ACOT11: variants seen among roughly 807,000 people sequenced by gnomAD.
ACOT11 encodes the protein acyl-CoA thioesterase 11.
In ACOT11, 69 loss-of-function variants were observed where a neutral mutation model predicts 77.5. The observed-to-expected ratio is 0.89, with a 90% confidence interval of 0.73 to 1.09. The LOEUF (loss-of-function observed/expected upper bound fraction) is 1.09. Among genes scored for constraint, ACOT11 ranks in the 50% least tolerant of loss-of-function variants. ACOT11 has a pLI of 0.00. For synonymous variants in ACOT11, 279 were observed against 313.0 expected (o/e 0.89, Z 1.15); for missense variants, 766 against 813.7 (o/e 0.94, Z 0.71).
At chr1:54,587,069 A>T (rs1269414359) in intron 3 of ACOT11, among the ~76,000 whole-genome samples, 1 of 152,174 alleles carries the variant, frequency 6.6e-6, no homozygotes, top group Non-Finnish European at 1.5e-5. Context: ...CACACACTTA[A>T]TATTAGATGA....
At chr1:54,614,827 C>G (rs757193509), downstream of ACOT11, 18 of 1,614,150 alleles carry the variant, frequency 1.1e-5, no homozygotes, top group Non-Finnish European at 1.4e-5. Flanking sequence ...GAGGGGCCCA[C>G]TGCCTTGATG....
Position 54,609,687 on chromosome 1 carries a change from T to C in ACOT11, c.*575T>C. 1 of 1,613,866 alleles carries C rather than the reference T, an allele frequency of 6.2e-7. No homozygotes were observed. Among genetic ancestry groups the C allele is most frequent in the South Asian group, 1.1e-5 (1 of 91,078 alleles). ...GGGACCGAAAAACTCCCGTGGGAGA[T>C]TTTGGCCCCAACCCACACAGGCCAA... On this transcript the variant is annotated 3_prime_UTR_variant, in exon 16 of 16. Transcript: ENST00000343744.
chr1:54,625,019 G>T (rs539497117), intron 15 of ACOT11, among the ~76,000 whole-genome samples: 1 of 152,144 alleles, frequency 6.6e-6, no homozygotes, highest in East Asian at 1.9e-4. Flanking sequence ...GCTGGTCGGG[G>T]CATGTGTGGT....
chr1:54,616,097 A>G (rs1218770427), intron 15 of ACOT11: 4 of 1,614,064 alleles, frequency 2.5e-6, no homozygotes, highest in Non-Finnish European at 3.4e-6. Flanking sequence ...GGGGTGTGCC[A>G]TGATGGGAAC....
intron 1 of ACOT11, among the ~76,000 whole-genome samples, chr1:54,557,771 T>C (rs1416007086): frequency 1.3e-5 from 2 of 152,212 alleles, no homozygotes; most frequent in Non-Finnish European, 2.9e-5. Flanking sequence ...ACCAGTTTTT[T>C]AGTGGAGGCT....
intron 1 of ACOT11, among the ~76,000 whole-genome samples, chr1:54,563,184 G>T (rs756636736): frequency 6.6e-6 from 1 of 152,178 alleles, no homozygotes; most frequent in Non-Finnish European, 1.5e-5. Context: ...ATGGGGTTTC[G>T]CCATGTTGCC....
At chr1:54,592,070 C>CT (rs1273424975) in intron 3 of ACOT11, among the ~76,000 whole-genome samples, 5 of 152,178 alleles carry the variant, frequency 3.3e-5, no homozygotes, top group Admixed American at 1.3e-4. Flanking sequence ...TGTGCTAGGC[C>CT]TTGGAGAGTC....
chr1:54,584,969 A>G lies in ACOT11; in HGVS notation c.241+107A>G. 2 of 1,228,440 alleles carry G rather than the reference A, an allele frequency of 1.6e-6. No homozygotes were observed. Among genetic ancestry groups the G allele is most frequent in the South Asian group, 1.5e-5 (1 of 68,408 alleles). 76.1% of individuals were successfully genotyped at this position (1,228,440 alleles called of 1,614,324 possible). On this transcript the variant is annotated intron_variant, in intron 2 of 15. Coordinates refer to ENST00000343744, the MANE Select transcript of ACOT11 (RefSeq NM_147161.4). This position sits in a 1 kb window ranked among gnomAD's most constrained non-coding sequence, Gnocchi z 6.3. ...ACCCTAAGTGCCACACTTGTTTCTC[A>G]TCTTGGCCTTTGCTCATGCTGGTCC... is the stretch of plus-strand genomic sequence containing the variant.
At chr1:54,606,470 C>T (rs11206393) in intron 13 of ACOT11, among the ~76,000 whole-genome samples, 2,657 of 152,154 alleles carry the variant, frequency 0.017, 72 homozygotes, top group African/African-American at 0.06. Flanking sequence ...TGTGGGTGCA[C>T]GTGTTGGTAT....
rs1188389417 is a variant in ACOT11 at position 54,628,860 on chromosome 1, G to A, written c.1630-1874G>A. Among the ~76,000 whole-genome samples, 2 of 132,394 alleles carry A rather than the reference G, an allele frequency of 1.5e-5. 1 individual carries two copies. The highest frequency in any genetic ancestry group is 3.4e-5 in the Non-Finnish European group (2 of 58,688). The allele number at this position is 132,394 out of a possible 152,430, so 86.9% of individuals were successfully genotyped here. A position where few individuals can be genotyped will look rare whatever the true frequency, so the allele number is the denominator to read the frequency against. On this transcript the variant is annotated intron_variant, in intron 15 of 16. Transcript: ENST00000371316. ...GGATCACTCAAGATCAGGCATTCGAGAACAGCCTGGCCAACATGACGAAAT... is the reference window on the plus strand; with the variant it reads ...GGATCACTCAAGATCAGGCATTCGAAAACAGCCTGGCCAACATGACGAAAT...
intron 3 of ACOT11, among the ~76,000 whole-genome samples, chr1:54,587,590 G>C (rs1470905662): frequency 1.0e-5 from 1 of 96,802 alleles, no homozygotes; most frequent in Non-Finnish European, 1.8e-5. Flanking sequence ...ACAGAGTCTT[G>C]CTCTGTCACC....
At chr1:54,585,013 T>G in intron 2 of ACOT11, 151 bp downstream of exon 2, 2 of 864,896 alleles carry the variant, frequency 2.3e-6, no homozygotes, top group Non-Finnish European at 3.5e-6. Context: ...GAAATGCCCT[T>G]CCTGATGTCT....
intron 4 of ACOT11, among the ~76,000 whole-genome samples, chr1:54,593,458 G>GTTTT (rs35252763): frequency 3.1e-5 from 3 of 96,326 alleles, no homozygotes; most frequent in African/African-American, 4.5e-5. Flanking sequence ...TGTGTGTGTG[G>GTTTT]TTTTTTTTTT....
rs1156838484 is a variant in ACOT11, at chr1:54,609,039, C to G, written c.1712C>G (p.Thr571Ser). 6.2e-7 allele frequency: 1 copy of G among 1,614,064 alleles called. No homozygotes were observed. Among genetic ancestry groups the G allele is most frequent in the Non-Finnish European group, 8.5e-7 (1 of 1,180,028 alleles). The change falls in exon 16 of 16, where the codon ACC (threonine) becomes AGC (serine). Residue 571 changes from threonine (T) to serine (S), a missense_variant. By Grantham distance (58) the Thr-to-Ser change is moderately conservative. Coordinates refer to ENST00000343744, the MANE Select transcript of ACOT11 (RefSeq NM_147161.4). ...GCCGGCCTCTCCTCTGAGTTCTACACCACCTTCAAGGCTTGTGAGCAGTTT... is the reference window on the plus strand; with the variant it reads ...GCCGGCCTCTCCTCTGAGTTCTACAGCACCTTCAAGGCTTGTGAGCAGTTT... ...NVAGLSSEFY[T>S]TFKACEQFLL...
chr1:54,567,902 C>A (rs1293071748), intron 1 of ACOT11, among the ~76,000 whole-genome samples: 2 of 152,202 alleles, frequency 1.3e-5, no homozygotes, highest in Non-Finnish European at 2.9e-5. Context: ...GCAGAGTGAT[C>A]TTACAACGCA....
chr1:54,637,650 G>A (rs371386616), exon 17 of ACOT11: 12 of 152,300 alleles, frequency 7.9e-5, no homozygotes, highest in African/African-American at 2.2e-4. Flanking sequence ...AGCCAGGTGT[G>A]GTGGTGGGTG....
At chr1:54,594,259 G>T (rs927479820) in intron 5 of ACOT11, among the ~76,000 whole-genome samples, 3 of 152,116 alleles carry the variant, frequency 2.0e-5, no homozygotes, top group African/African-American at 4.8e-5. Context: ...CTTCTCCAGC[G>T]AAGATTCTTC....
intron 16 of ACOT11, among the ~76,000 whole-genome samples, chr1:54,633,706 A>G (rs1233702650): frequency 6.6e-6 from 1 of 152,220 alleles, no homozygotes; most frequent in African/African-American, 2.4e-5. Flanking sequence ...TAAAAACATT[A>G]AATGATTTTC....
chr1:54,568,358 C>CTTTTTTT (rs71045196), intron 1 of ACOT11, among the ~76,000 whole-genome samples: 2 of 80,556 alleles, frequency 2.5e-5, no homozygotes, highest in Non-Finnish European at 2.4e-5. Context: ...TTCCCAGCAC[C>CTTTTTTT]TTTTTTTTTT....
Sources: gnomAD v4.1 joint callset for allele counts (sites outside exome capture counted in the v4.1 genomes callset) on GRCh38, gnomAD v4.1.1 for gene constraint, Gnocchi (gnomAD v3.1) non-coding constraint, MANE v1.5 for transcripts, NCBI Gene and HGNC (gene_info 2026-07-23, HGNC 2026-07-21) for gene names.